CDH4: variants seen among roughly 807,000 people sequenced by gnomAD.
The protein encoded by CDH4 is cadherin-4.
A neutral mutation model predicts 86.0 loss-of-function variants in CDH4; 33 were observed. The observed-to-expected ratio is 0.38, with a 90% CI of 0.29 to 0.51. The LOEUF is 0.51. CDH4 is among the 20% of genes least tolerant of loss of function. The probability of loss-of-function intolerance (pLI) is 0.86; values close to 1 mark genes in which losing one functional copy is unlikely to be tolerated. For synonymous variants in CDH4, 555 were observed against 549.4 expected (o/e 1.01, Z -0.14); for missense variants, 1,114 against 1,307.4 (o/e 0.85, Z 2.28).
rs3765600 is a variant in CDH4 at position 61,910,338 on chromosome 20, G to T, written c.1189-84G>T. 5.1e-3 allele frequency: 6,215 copies of T among 1,210,856 alleles called. 139 individuals are homozygous for T. The highest frequency in any genetic ancestry group is 0.047 in the East Asian group (1,928 of 41,312). 75.0% of individuals were successfully genotyped at this position (1,210,856 alleles called of 1,614,324 possible). On this transcript the variant is annotated intron_variant, in intron 8 of 15. Coordinates refer to ENST00000614565, the MANE Select transcript of CDH4 (RefSeq NM_001794.5). ...TGTGTTCTGTTTGTGAACACTCGTT[G>T]AGCTGCACATATGCTACGTGCACTT...
chr20:61,298,780 C>A (rs895314673), intron 2 of CDH4, among the ~76,000 whole-genome samples: 1 of 146,740 alleles, frequency 6.8e-6, no homozygotes, highest in Non-Finnish European at 1.5e-5. Flanking sequence ...AGTTAAGCTG[C>A]GAAGGGGTCT....
At chr20:61,263,468 G>T (rs1460518235) in intron 2 of CDH4, among the ~76,000 whole-genome samples, 2 of 152,132 alleles carry the variant, frequency 1.3e-5, no homozygotes, top group African/African-American at 4.8e-5. Context: ...TGTTTGGGGG[G>T]ACTTACCATG....
chr20:61,334,172 C>G (rs2084603933), intron 2 of CDH4, among the ~76,000 whole-genome samples: 1 of 152,310 alleles, frequency 6.6e-6, no homozygotes, highest in African/African-American at 2.4e-5. Context: ...TTCTGTAACC[C>G]CCCAAGTCTG....
chr20:61,839,720 T>C (rs956300407), intron 4 of CDH4, among the ~76,000 whole-genome samples: 4 of 151,814 alleles, frequency 2.6e-5, no homozygotes, highest in African/African-American at 9.7e-5. Flanking sequence ...CGTTTGTGTA[T>C]TGAGTGTGTG....
intron 7 of CDH4, among the ~76,000 whole-genome samples, chr20:61,890,734 G>GT (rs1984784670): frequency 6.6e-6 from 1 of 152,102 alleles, no homozygotes; most frequent in African/African-American, 2.4e-5. Flanking sequence ...AGCTATTTCT[G>GT]GTTTTTTTTG....
intron 4 of CDH4, among the ~76,000 whole-genome samples, chr20:61,804,310 G>A (rs1980004120): frequency 6.6e-6 from 1 of 152,228 alleles, no homozygotes; most frequent in South Asian, 2.1e-4. Context: ...GTGCAGGTGA[G>A]GAGACAGAGG....
intron 13 of CDH4, among the ~76,000 whole-genome samples, chr20:61,932,337 A>C (rs2055120489): frequency 6.6e-6 from 1 of 152,210 alleles, no homozygotes; most frequent in South Asian, 2.1e-4. Flanking sequence ...AATGTAGCCC[A>C]GTGCCCAGGC....
In CDH4 at chr20:61,516,315, G is replaced by T. The variant is rs546805719; in HGVS notation, c.170-227248G>T. Among the ~76,000 whole-genome samples, 1 of 152,074 alleles carries T rather than the reference G, an allele frequency of 6.6e-6. No homozygotes were observed. The highest frequency in any genetic ancestry group is 1.5e-5 in the Non-Finnish European group (1 of 68,026). On this transcript the variant is annotated intron_variant, in intron 2 of 15. Transcript: ENST00000614565. The surrounding 1 kb of genome is among the most constrained non-coding windows in gnomAD (Gnocchi z 4.0). ...TCTTCCTGCTCCTTCCTTACATCCC[G>T]TCTATTAATGCCATGGTCCCTGAGC...
At chr20:61,835,839 T>C (rs1047917055) in intron 4 of CDH4, among the ~76,000 whole-genome samples, 1 of 152,144 alleles carries the variant, frequency 6.6e-6, no homozygotes, top group Non-Finnish European at 1.5e-5. Context: ...CAGGTCGCCC[T>C]CTGGTCAGCT....
intron 4 of CDH4, among the ~76,000 whole-genome samples, chr20:61,808,784 G>A (rs996644580): frequency 7.8e-5 from 11 of 141,686 alleles, no homozygotes; most frequent in South Asian, 4.9e-4. Context: ...ACACCCGCCC[G>A]CCTGCCCCCT....
chr20:61,745,048 TC>T (rs1485787612), intron 3 of CDH4, among the ~76,000 whole-genome samples: 1 of 152,010 alleles, frequency 6.6e-6, no homozygotes, highest in South Asian at 2.1e-4. Context: ...CCCCTCCAGA[TC>T]CCCCCAGTTA....
chr20:61,825,926 C>A (rs1015139439), intron 4 of CDH4, among the ~76,000 whole-genome samples: 11 of 152,290 alleles, frequency 7.2e-5, no homozygotes, highest in African/African-American at 2.6e-4. Context: ...ATCTCACATC[C>A]GATTTGTCTC....
chr20:61,299,731 A>G (rs1259920461), intron 2 of CDH4, among the ~76,000 whole-genome samples: 1 of 152,168 alleles, frequency 6.6e-6, no homozygotes, highest in East Asian at 1.9e-4. Flanking sequence ...CCGGGCTGTC[A>G]TCTCTCAAGC....
intron 2 of CDH4, among the ~76,000 whole-genome samples, chr20:61,603,318 G>C: frequency 6.6e-6 from 1 of 152,128 alleles, no homozygotes; most frequent in East Asian, 1.9e-4. Flanking sequence ...GTGATGGGGT[G>C]GAGTCTCCAA....
Position 61,794,388 on chromosome 20 carries a change from C to T in CDH4, c.576+21206C>T, listed in dbSNP as rs1037735891. Reference sequence around the variant, plus strand: ...CACTAAGCCAGCCCTGGGAACCCGTCGTTCCCCCACTTCCGCCACTGTGTT... The same window carrying T: ...CACTAAGCCAGCCCTGGGAACCCGTTGTTCCCCCACTTCCGCCACTGTGTT... On this transcript the variant is annotated intron_variant, in intron 4 of 15. Coordinates refer to ENST00000614565, the MANE Select transcript of CDH4 (RefSeq NM_001794.5). Among the ~76,000 whole-genome samples the T allele has an allele frequency of 2.6e-5, 4 of 152,298 alleles. No homozygotes were observed. In the East Asian group the frequency reaches 5.8e-4, roughly 22 times the overall value.
chr20:61,870,410 G>A (rs967734225), intron 6 of CDH4, among the ~76,000 whole-genome samples: 2 of 152,228 alleles, frequency 1.3e-5, no homozygotes. Flanking sequence ...CAGCCCGAGA[G>A]ACCGTCATTC....
intron 2 of CDH4, among the ~76,000 whole-genome samples, chr20:61,496,956 A>ATTTTTTTTTTTTTTTTTT (rs59603072): frequency 9.2e-6 from 1 of 108,590 alleles, no homozygotes; most frequent in Non-Finnish European, 2.0e-5. Flanking sequence ...TTGGGGATTG[A>ATTTTTTTTTTTTTTTTTT]TTTTTTTTTT....
At chr20:61,534,941 G>A (rs62201793) in intron 2 of CDH4, among the ~76,000 whole-genome samples, 14,450 of 134,828 alleles carry the variant, frequency 0.11, 1,815 homozygotes, top group East Asian at 0.41. Context: ...GTGGGACAGT[G>A]GCAGAGATGC....
At chr20:61,449,480 C>T (rs867957181) in intron 2 of CDH4, among the ~76,000 whole-genome samples, 2 of 152,180 alleles carry the variant, frequency 1.3e-5, no homozygotes, top group African/African-American at 2.4e-5. Flanking sequence ...TAGCCTGTGA[C>T]GTGGGGATAT....
Sources: allele counts gnomAD v4.1 joint callset (sites outside exome capture counted in the v4.1 genomes callset), GRCh38; gene constraint gnomAD v4.1.1; non-coding constraint Gnocchi (gnomAD v3.1); transcripts MANE v1.5; gene names NCBI Gene and HGNC (gene_info 2026-07-23, HGNC 2026-07-21).